Variants in TRIM72 observed in about 807,000 individuals in gnomAD.
TRIM72 encodes tripartite motif-containing protein 72.
In TRIM72, 33 loss-of-function variants were observed where a neutral mutation model predicts 31.6. That is an observed-to-expected ratio of 1.04 (90% CI 0.79 to 1.40). The LOEUF (loss-of-function observed/expected upper bound fraction) is 1.40, where lower values mean the gene tolerates loss of function less well. TRIM72 is among the 40% of genes most tolerant of loss of function. The pLI is 0.00. For missense variants in TRIM72, 666 were observed against 682.7 expected, an observed-to-expected ratio of 0.98 and a Z score of 0.27; for synonymous variants, 301 against 314.4, an observed-to-expected ratio of 0.96 and a Z score of 0.45.
At position 31,225,634 on chromosome 16, in the gene TRIM72, TTTTTATTTC is replaced by T. The variant is rs2079552839; in HGVS notation, c.*884_*892del. On this transcript the variant is annotated 3_prime_UTR_variant, in exon 7 of 7. Transcript: ENST00000322122. ...ACAGGTCAAAAATGCTCATTTCTTTTTTTTATTTCTTTTTTTTTTTTTTTTTTTTTTTTT... is the reference window on the plus strand; with the variant it reads ...ACAGGTCAAAAATGCTCATTTCTTTTTTTTTTTTTTTTTTTTTTTTTTTTT... The T allele has an allele frequency of 6.7e-6, 1 of 150,230 alleles. No homozygotes were observed. Among genetic ancestry groups the T allele is most frequent in the African/African-American group, 2.5e-5 (1 of 40,326 alleles). The allele number at this position is 150,230 out of a possible 1,614,324, so 9.3% of individuals were successfully genotyped here. A position where few individuals can be genotyped will look rare whatever the true frequency, so the allele number is the denominator to read the frequency against.
intron 5 of TRIM72, among the ~76,000 whole-genome samples, chr16:31,221,526 G>GAGA (rs2079533635): frequency 6.9e-6 from 1 of 144,796 alleles, no homozygotes. Context: ...GCATTGCAGG[G>GAGA]AGAAGGGCAT....
At chr16:31,223,861 T>C (rs1417861487) in intron 6 of TRIM72, among the ~76,000 whole-genome samples, 1 of 151,894 alleles carries the variant, frequency 6.6e-6, no homozygotes, top group Non-Finnish European at 1.5e-5. Flanking sequence ...TGAGCCTAGG[T>C]TGCACCTGCG....
In TRIM72 at chr16:31,228,311, G is replaced by C. The variant is rs1319844260; in HGVS notation, c.*3556G>C. 1 of 152,230 alleles carries C rather than the reference G, an allele frequency of 6.6e-6. No individual in the cohort carries two copies. The highest frequency in any genetic ancestry group is 1.5e-5 in the Non-Finnish European group (1 of 68,098). The allele number at this position is 152,230 out of a possible 1,614,324, so 9.4% of individuals were successfully genotyped here. ...ATATCTAACAGGGCAAATATTGAAA[G>C]ATAAAACCACATAACAAAAGCTCTT... On this transcript the variant is annotated 3_prime_UTR_variant, in exon 7 of 7. Transcript: ENST00000322122.
intron 5 of TRIM72, among the ~76,000 whole-genome samples, chr16:31,221,656 T>G (rs1322210851): frequency 1.8e-5 from 2 of 109,352 alleles, no homozygotes; most frequent in African/African-American, 7.3e-5. Context: ...AAGAAGGGCA[T>G]TGCTAGGAGA....
rs1202084305 is a variant in TRIM72 at position 31,215,256 on chromosome 16, CG to C, written c.390+133del. On this transcript the variant is annotated intron_variant, in intron 2 of 6. Coordinates refer to ENST00000322122, the MANE Select transcript of TRIM72 (RefSeq NM_001008274.4). The surrounding 1 kb of genome is among the most constrained non-coding windows in gnomAD (Gnocchi z 6.3). The stretch of plus-strand genomic sequence containing the variant: ...CACGAGCTCCTGGAGTTGCGGGGGG[CG>C]GGGGCGGGGCGAAGCAGCCAGGAAA... 23 of 341,172 alleles carry C rather than the reference CG, an allele frequency of 6.7e-5. No individual in the cohort carries two copies. Among genetic ancestry groups the C allele is most frequent in the Non-Finnish European group, 1.1e-4 (23 of 213,746 alleles). 21.1% of individuals were successfully genotyped at this position (341,172 alleles called of 1,614,324 possible).
rs2079495360 is a variant in TRIM72 at position 31,214,133 on chromosome 16, ACG to A, written c.-169_-168del. 6.5e-6 allele frequency: 1 copy of A among 152,850 alleles called. No individual in the cohort carries two copies. The highest frequency in any genetic ancestry group is 6.5e-5 in the Admixed American group (1 of 15,288). 9.5% of individuals were successfully genotyped at this position (152,850 alleles called of 1,614,324 possible). ...TTCCGCTGAGCACTGTGTGCCCATC[ACG>A]CGTGGTGTCCACTGCCAGCTGCCCC... On this transcript the variant is annotated 5_prime_UTR_variant, in exon 1 of 7. Transcript: ENST00000322122.
At chr16:31,222,788 C>A in intron 5 of TRIM72, 39 bp from the exon 6 acceptor site, 4 of 692,754 alleles carry the variant, frequency 5.8e-6, no homozygotes, top group South Asian at 4.1e-5. Context: ...CTTGTCCTCC[C>A]CCCTCACACA....
At position 31,217,135 on chromosome 16, in the gene TRIM72, T is replaced by A. The variant is rs1198251450; in HGVS notation, c.391-1960T>A. 94 of 1,209,046 alleles carry A rather than the reference T, an allele frequency of 7.8e-5. No individual in the cohort carries two copies. The East Asian group carries it at 2.4e-3, about 30-fold the overall frequency. 74.9% of individuals were successfully genotyped at this position (1,209,046 alleles called of 1,614,324 possible). Reference sequence around the variant, plus strand: ...CCCGGGGATGTCCCGGGAAGGAGACTGATCTGGCAGCTCCTATTCAACCCT... The same window carrying A: ...CCCGGGGATGTCCCGGGAAGGAGACAGATCTGGCAGCTCCTATTCAACCCT... On this transcript the variant is annotated intron_variant, in intron 2 of 6. Coordinates refer to ENST00000322122, the MANE Select transcript of TRIM72 (RefSeq NM_001008274.4).
chr16:31,224,714 C>T lies in TRIM72; in HGVS notation c.1393C>T (p.Gln465Ter), dbSNP rs754140169. 5.9e-6 allele frequency: 9 copies of T among 1,529,946 alleles called. No homozygotes were observed. In the African/African-American group the frequency reaches 8.3e-5, roughly 14 times the overall value. The allele number at this position is 1,529,946 out of a possible 1,614,324, so 94.8% of individuals were successfully genotyped here. A position where few individuals can be genotyped will look rare whatever the true frequency, so the allele number is the denominator to read the frequency against. Residue 465 changes from glutamine (Q) to a stop codon, truncating the protein, a stop_gained, in exon 7 of 7, where the codon CAG becomes TAG. Transcript: ENST00000322122. LOFTEE classifies it high-confidence loss of function. The stretch of plus-strand genomic sequence containing the variant: ...CTGGCACGACAAGGGCAAGAATGCC[C>T]AGCCGCTGCTGCTCGTGGGTCCCGA... Reference protein sequence around the residue: ...VCWHDKGKNAQPLLLVGPEGA... With the variant: ...VCWHDKGKNA
At position 31,216,495 on chromosome 16, in the gene TRIM72, G is replaced by A. The variant is rs1226309725; in HGVS notation, c.390+1367G>A. 1 of 417,918 alleles carries A rather than the reference G, an allele frequency of 2.4e-6. No homozygotes were observed. Among genetic ancestry groups the A allele is most frequent in the Non-Finnish European group, 4.2e-6 (1 of 237,164 alleles). The allele number at this position is 417,918 out of a possible 1,614,324, so 25.9% of individuals were successfully genotyped here. A position where few individuals can be genotyped will look rare whatever the true frequency, so the allele number is the denominator to read the frequency against. Reference sequence around the variant, plus strand: ...AACCTTGCCCGTCTTTATCTGCGAAGAAAGCACAGAACCCATGAAACGGAA... The same window carrying A: ...AACCTTGCCCGTCTTTATCTGCGAAAAAAGCACAGAACCCATGAAACGGAA... On this transcript the variant is annotated intron_variant, in intron 2 of 6. Transcript: ENST00000322122. The surrounding 1 kb of genome is among the most constrained non-coding windows in gnomAD (Gnocchi z 6.7).
Position 31,224,512 on chromosome 16 carries a change from C to G in TRIM72, c.1191C>G (p.Ala397=). Residue 397 remains alanine (A), a synonymous_variant, in exon 7 of 7, where the codon GCC becomes GCG. Coordinates refer to ENST00000322122, the MANE Select transcript of TRIM72 (RefSeq NM_001008274.4). ...EGKILEAHVE[A]KEPRALRSPE... ...AGATCCTGGAGGCACACGTGGAGGC[C>G]AAGGAGCCGCGCGCTCTGCGCAGCC... The G allele has an allele frequency of 1.3e-6, 2 of 1,496,928 alleles. No individual in the cohort carries two copies. The highest frequency in any genetic ancestry group is 1.8e-6 in the Non-Finnish European group (2 of 1,130,572). The allele number at this position is 1,496,928 out of a possible 1,614,324, so 92.7% of individuals were successfully genotyped here.
intron 5 of TRIM72, 40 bp from the exon 6 acceptor site, chr16:31,222,787 C>A: frequency 1.6e-6 from 1 of 641,904 alleles, no homozygotes; most frequent in Non-Finnish European, 2.6e-6. Context: ...CCTTGTCCTC[C>A]CCCCTCACAC....
At position 31,219,648 on chromosome 16, in the gene TRIM72, C is replaced by A. The variant is rs2079525311; in HGVS notation, c.717+129C>A. On this transcript the variant is annotated intron_variant, in intron 4 of 6. Coordinates refer to ENST00000322122, the MANE Select transcript of TRIM72 (RefSeq NM_001008274.4). The surrounding 1 kb of genome is among the most constrained non-coding windows in gnomAD (Gnocchi z 4.2). ...CAGCACACAGCCGGGAGGGGCAGGCCTCAGGACTGCTATATGGTTGTTTAG... is the reference window on the plus strand; with the variant it reads ...CAGCACACAGCCGGGAGGGGCAGGCATCAGGACTGCTATATGGTTGTTTAG... The A allele has an allele frequency of 2.5e-6, 2 of 797,962 alleles. No homozygotes were observed. Among genetic ancestry groups the A allele is most frequent in the East Asian group, 5.3e-5 (2 of 37,596 alleles). 49.4% of individuals were successfully genotyped at this position (797,962 alleles called of 1,614,324 possible). A position where few individuals can be genotyped will look rare whatever the true frequency, so the allele number is the denominator to read the frequency against.
At position 31,226,265 on chromosome 16, in the gene TRIM72, C is replaced by T. The variant is rs1567496950; in HGVS notation, c.*1510C>T. 6.6e-6 allele frequency: 1 copy of T among 152,228 alleles called. No homozygotes were observed. The highest frequency in any genetic ancestry group is 1.9e-4 in the East Asian group (1 of 5,172). 9.4% of individuals were successfully genotyped at this position (152,228 alleles called of 1,614,324 possible). A position where few individuals can be genotyped will look rare whatever the true frequency, so the allele number is the denominator to read the frequency against. ...CCCAGTCAAAAACATGTAAGGTTTG[C>T]ACCAGGAGTGGAAGGAAACAAACAA... On this transcript the variant is annotated 3_prime_UTR_variant, in exon 7 of 7. Coordinates refer to ENST00000322122, the MANE Select transcript of TRIM72 (RefSeq NM_001008274.4).
chr16:31,217,026 CA>C (rs779403119), intron 2 of TRIM72: 124 of 1,611,732 alleles, frequency 7.7e-5, no homozygotes, highest in Middle Eastern at 5.0e-4. Context: ...GCTTCGTTCC[CA>C]TGGCTCAGCC....
Position 31,225,683 on chromosome 16 carries a change from G to T in TRIM72, c.*928G>T, listed in dbSNP as rs1428345001. 5.4e-5 allele frequency: 5 copies of T among 92,790 alleles called. No individual in the cohort carries two copies. The highest frequency in any genetic ancestry group is 7.6e-5 in the Non-Finnish European group (4 of 52,298). 5.7% of individuals were successfully genotyped at this position (92,790 alleles called of 1,614,324 possible). On this transcript the variant is annotated 3_prime_UTR_variant, in exon 7 of 7. Transcript: ENST00000322122. ...TTTTTTTTTTTTGAGACAGAGTCTT[G>T]CTCTGTCACTCAAGGCTAGAGTGCA...
chr16:31,221,567 G>T (rs2079533937), intron 5 of TRIM72, among the ~76,000 whole-genome samples: 1 of 141,630 alleles, frequency 7.1e-6, no homozygotes, highest in African/African-American at 2.7e-5. Context: ...GGGGAGAAGG[G>T]CACTGCGGGG....
Position 31,215,271 on chromosome 16 carries a change from G to T in TRIM72, c.390+143G>T. ...TTGCGGGGGGCGGGGGCGGGGCGAA[G>T]CAGCCAGGAAAGAGGGTCTGAGGAG... On this transcript the variant is annotated intron_variant, in intron 2 of 6. Transcript: ENST00000322122. The surrounding 1 kb of genome is among the most constrained non-coding windows in gnomAD (Gnocchi z 6.3). 1 of 1,265,092 alleles carries T rather than the reference G, an allele frequency of 7.9e-7. No homozygotes were observed. The highest frequency in any genetic ancestry group is 1.0e-6 in the Non-Finnish European group (1 of 982,326). The allele number at this position is 1,265,092 out of a possible 1,614,324, so 78.4% of individuals were successfully genotyped here.
chr16:31,217,047 T>C, intron 2 of TRIM72: 2 of 1,602,684 alleles, frequency 1.2e-6, no homozygotes, highest in East Asian at 2.2e-5. Context: ...CCTGCGCCTC[T>C]GAGCCTCCGA....
Sources: gnomAD v4.1 joint callset for allele counts (sites outside exome capture counted in the v4.1 genomes callset) on GRCh38, gnomAD v4.1.1 for gene constraint, Gnocchi (gnomAD v3.1) non-coding constraint, MANE v1.5 for transcripts, NCBI Gene and HGNC (gene_info 2026-07-23, HGNC 2026-07-21) for gene names.